Variants in OAS1 observed in about 807,000 individuals in gnomAD.
The protein encoded by OAS1 is 2'-5'-oligoadenylate synthase 1.
A neutral mutation model predicts 38.5 loss-of-function variants in OAS1; 24 were observed. That is an observed-to-expected ratio of 0.62 (90% confidence interval 0.45 to 0.88). The LOEUF (loss-of-function observed/expected upper bound fraction) is 0.88. OAS1 is among the 40% of genes least tolerant of loss of function. OAS1 has a pLI of 0.00. For missense variants in OAS1, 482 were observed against 493.9 expected, an observed-to-expected ratio of 0.98 and a Z score of 0.23; for synonymous variants, 169 against 193.9, an observed-to-expected ratio of 0.87 and a Z score of 1.07.
intron 1 of OAS1, chr12:112,907,553 C>T: frequency 3.8e-6 from 1 of 261,352 alleles, no homozygotes. Context: ...TAATTCGTGG[C>T]CAGGCTAGGG....
chr12:112,907,263 G>A, intron 1 of OAS1, 44 bp downstream of exon 1: 2 of 1,592,708 alleles, frequency 1.3e-6, no homozygotes, highest in Non-Finnish European at 1.7e-6. Flanking sequence ...GGCTGAATGT[G>A]CAAGAGTTGA....
chr12:112,910,822 G>A (rs371196118), intron 2 of OAS1, among the ~76,000 whole-genome samples: 21 of 152,286 alleles, frequency 1.4e-4, no homozygotes, highest in South Asian at 1.2e-3. Context: ...GGGGGAACCT[G>A]TAAAGAGGTT....
intron 6 of OAS1, among the ~76,000 whole-genome samples, chr12:112,925,088 A>G (rs2043550523): frequency 6.6e-6 from 1 of 152,218 alleles, no homozygotes; most frequent in Admixed American, 6.5e-5. Context: ...AGCCAACAGA[A>G]ATGAGAGTGA....
intron 3 of OAS1, among the ~76,000 whole-genome samples, chr12:112,913,939 T>C (rs1204873839): frequency 6.6e-6 from 1 of 152,188 alleles, no homozygotes; most frequent in Non-Finnish European, 1.5e-5. Flanking sequence ...CTATTTTTTT[T>C]TATTTTTAAT....
intron 3 of OAS1, among the ~76,000 whole-genome samples, chr12:112,915,477 C>T (rs143193397): frequency 1.9e-4 from 29 of 152,226 alleles, no homozygotes; most frequent in Middle Eastern, 3.4e-3. Flanking sequence ...CATTTGTCTA[C>T]GTGACTATTT....
At chr12:112,929,473 T>C (rs1280417034) in intron 6 of OAS1, among the ~76,000 whole-genome samples, 1 of 152,210 alleles carries the variant, frequency 6.6e-6, no homozygotes, top group Admixed American at 6.5e-5. Context: ...AAATTCTGCA[T>C]TTGGGAGTTT....
At chr12:112,915,781 A>G (rs2043446455) in intron 3 of OAS1, among the ~76,000 whole-genome samples, 1 of 152,144 alleles carries the variant, frequency 6.6e-6, no homozygotes, top group Admixed American at 6.6e-5. Context: ...TGTTTGTGTC[A>G]TCTATGATTT....
rs747193487 is a variant in OAS1, at chr12:112,908,785, G to C, written c.430G>C (p.Gly144Arg). The change falls in exon 2 of 6, where the codon GGG becomes CGG. Residue 144 changes from glycine to arginine, a missense_variant. Transcript: ENST00000202917. ...FVLSSLQLGE[G>R]VEFDVLPAFD... ...ACTGAGTTCGCTCCAGCTCGGGGAG[G>C]GGGTGGAGTTCGATGTGCTGCCTGC... 7 of 1,608,132 alleles carry C rather than the reference G, an allele frequency of 4.4e-6. No homozygotes were observed. In the Admixed American group the frequency reaches 6.7e-5, roughly 15 times the overall value.
chr12:112,911,294 G>C (rs45542343), intron 3 of OAS1, 59 bp downstream of exon 3: 2 of 1,356,054 alleles, frequency 1.5e-6, no homozygotes, highest in South Asian at 3.1e-5. Context: ...GAGGAGGGGT[G>C]GGGGGAGGAG....
chr12:112,923,078 T>C (rs1174713735), downstream of OAS1, among the ~76,000 whole-genome samples: 2 of 152,224 alleles, frequency 1.3e-5, no homozygotes, highest in African/African-American at 4.8e-5. Context: ...ATGTGTGCAC[T>C]GTATACATTA....
chr12:112,923,902 A>T (rs996516001), downstream of OAS1, among the ~76,000 whole-genome samples: 10 of 12,632 alleles, frequency 7.9e-4, no homozygotes, highest in African/African-American at 0.018. Flanking sequence ...CAGCATACAC[A>T]AAAATCAACT....
chr12:112,908,749 C>G lies in OAS1; in HGVS notation c.394C>G (p.Leu132Val). 6.2e-7 allele frequency: 1 copy of G among 1,614,174 alleles called. No homozygotes were observed. Among genetic ancestry groups the G allele is most frequent in the Non-Finnish European group, 8.5e-7 (1 of 1,180,010 alleles). Residue 132 changes from leucine (L) to valine (V), a missense_variant, in exon 2 of 6, where the codon CTC becomes GTC. Coordinates refer to ENST00000202917, the MANE Select transcript of OAS1 (RefSeq NM_016816.4). ...QAPRWGNPRALSFVLSSLQLG... is the reference protein window; with the variant it reads ...QAPRWGNPRAVSFVLSSLQLG... ...TCCACGCTGGGGCAACCCCCGTGCG[C>G]TCAGCTTCGTACTGAGTTCGCTCCA...
chr12:112,930,253 T>G (rs1243446574), intron 6 of OAS1, among the ~76,000 whole-genome samples: 1 of 152,100 alleles, frequency 6.6e-6, no homozygotes, highest in African/African-American at 2.4e-5. Context: ...GTACCATGCT[T>G]CCTGTAAAGC....
intron 3 of OAS1, among the ~76,000 whole-genome samples, chr12:112,914,966 T>C (rs1037988783): frequency 2.0e-5 from 3 of 151,934 alleles, no homozygotes; most frequent in African/African-American, 4.8e-5. Context: ...GCCCACTTTT[T>C]GATGAGATTT....
chr12:112,916,081 A>T (rs1404574367), intron 3 of OAS1, among the ~76,000 whole-genome samples: 1 of 152,206 alleles, frequency 6.6e-6, no homozygotes, highest in East Asian at 1.9e-4. Flanking sequence ...CCTTCTTCTC[A>T]GTTAATTTTC....
chr12:112,909,625 A>G (rs1259095686), intron 2 of OAS1, among the ~76,000 whole-genome samples: 1 of 152,198 alleles, frequency 6.6e-6, no homozygotes, highest in African/African-American at 2.4e-5. Flanking sequence ...CGAATGTACC[A>G]CTGCACTCCA....
intron 6 of OAS1, among the ~76,000 whole-genome samples, chr12:112,925,291 C>T (rs1025467248): frequency 3.9e-5 from 6 of 152,086 alleles, no homozygotes; most frequent in Admixed American, 1.3e-4. Flanking sequence ...CCACACCCTC[C>T]CCCTTTTCCT....
At chr12:112,926,430 A>C (rs1593166867) in intron 6 of OAS1, among the ~76,000 whole-genome samples, 1 of 152,192 alleles carries the variant, frequency 6.6e-6, no homozygotes, top group African/African-American at 2.4e-5. Context: ...GGCTGGTCTG[A>C]GAAATAAAGG....
At chr12:112,909,441 T>C (rs1455999662) in intron 2 of OAS1, among the ~76,000 whole-genome samples, 1 of 152,146 alleles carries the variant, frequency 6.6e-6, no homozygotes, top group Non-Finnish European at 1.5e-5. Flanking sequence ...GGAGGGTCGC[T>C]TGAGCCCAGG....
Sources: gnomAD v4.1 joint callset for allele counts (sites outside exome capture counted in the v4.1 genomes callset) on GRCh38, gnomAD v4.1.1 for gene constraint, MANE v1.5 for transcripts, NCBI Gene and HGNC (gene_info 2026-07-23, HGNC 2026-07-21) for gene names.